PPP1R12A: variants seen among roughly 807,000 people sequenced by gnomAD.
PPP1R12A encodes protein phosphatase 1 regulatory subunit 12A, also known as myosin binding subunit.
In PPP1R12A, 19 loss-of-function variants were observed where a neutral mutation model predicts 139.6. The ratio of observed to expected loss-of-function variants is 0.14; its 90% confidence interval spans 0.09 to 0.20. The LOEUF (loss-of-function observed/expected upper bound fraction) is 0.20. Among genes scored for constraint, PPP1R12A ranks in the 10% least tolerant of loss-of-function variants. PPP1R12A has a pLI of 1.00. For missense variants in PPP1R12A, 925 were observed against 1,211.5 expected, an observed-to-expected ratio of 0.76 and a Z score of 3.51; for synonymous variants, 427 against 420.6, an observed-to-expected ratio of 1.02 and a Z score of -0.19.
At chr12:79,798,674 T>C in intron 14 of PPP1R12A, 90 bp from the exon 15 acceptor site, 1 of 590,632 alleles carries the variant, frequency 1.7e-6, no homozygotes, top group East Asian at 3.1e-5. Context: ...AACATACAGG[T>C]TTAATATCTT....
intron 9 of PPP1R12A, among the ~76,000 whole-genome samples, chr12:79,816,378 G>C (rs118140026): frequency 0.018 from 2,725 of 151,988 alleles, 43 homozygotes; most frequent in Non-Finnish European, 0.03. Flanking sequence ...GAAGTGTTAT[G>C]ATTACTGCAA....
At chr12:79,784,752 C>G (rs958602578) in intron 22 of PPP1R12A, among the ~76,000 whole-genome samples, 1 of 152,124 alleles carries the variant, frequency 6.6e-6, no homozygotes, top group African/African-American at 2.4e-5. Flanking sequence ...ATTCTCCTGC[C>G]TCAGCTCCCA....
chr12:79,810,123 TTCAGGATAAAAC>T lies in PPP1R12A; in HGVS notation c.1240-125_1240-114del, dbSNP rs1874343783. On this transcript the variant is annotated intron_variant, in intron 9 of 24. Coordinates refer to ENST00000450142, the MANE Select transcript of PPP1R12A (RefSeq NM_002480.3). ...TATATTTAAAATTATGGTTTACAGT[TTCAGGATAAAAC>T]ACTTTTACTACATAGGTTAATGTCT... 5 of 906,930 alleles carry T rather than the reference TTCAGGATAAAAC, an allele frequency of 5.5e-6. No individual in the cohort carries two copies. The South Asian group carries it at 7.6e-5, about 14-fold the overall frequency. The allele number at this position is 906,930 out of a possible 1,614,324, so 56.2% of individuals were successfully genotyped here. A position where few individuals can be genotyped will look rare whatever the true frequency, so the allele number is the denominator to read the frequency against.
chr12:79,890,913 A>C (rs1434226961), intron 1 of PPP1R12A, among the ~76,000 whole-genome samples: 3 of 145,300 alleles, frequency 2.1e-5, no homozygotes, highest in East Asian at 2.0e-4. Flanking sequence ...ACCCACACAC[A>C]CACACACACA....
At chr12:79,806,071 G>A in intron 13 of PPP1R12A, 95 bp downstream of exon 13, 4 of 1,410,580 alleles carry the variant, frequency 2.8e-6, no homozygotes, top group Non-Finnish European at 2.9e-6. Context: ...CAAGATAAAT[G>A]AAAAAATCCA....
At chr12:79,785,250 CT>C (rs1870965151) in intron 22 of PPP1R12A, among the ~76,000 whole-genome samples, 1 of 152,040 alleles carries the variant, frequency 6.6e-6, no homozygotes, top group South Asian at 2.1e-4. Context: ...TTCTGTTTAT[CT>C]TTACAAAAAC....
At chr12:79,877,469 T>TA (rs1434587765) in intron 1 of PPP1R12A, among the ~76,000 whole-genome samples, 1 of 152,150 alleles carries the variant, frequency 6.6e-6, no homozygotes, top group Admixed American at 6.5e-5. Context: ...GAGAGTGACT[T>TA]ACTGTGACTT....
At position 79,790,466 on chromosome 12, in the gene PPP1R12A, C is replaced by A; in HGVS notation, c.2666+1G>T. On this transcript the variant is annotated splice_donor_variant, in intron 20 of 24. Transcript: ENST00000450142. LOFTEE classifies it high-confidence loss of function. ...TCAGTTAAAAAATAAATAAAACATA[C>A]CTAGAAATGGAATCCGTCTGGAAAG... 4.4e-6 allele frequency: 6 copies of A among 1,354,362 alleles called. No individual in the cohort carries two copies. The highest frequency in any genetic ancestry group is 3.2e-5 in the South Asian group (2 of 63,162). The allele number at this position is 1,354,362 out of a possible 1,614,324, so 83.9% of individuals were successfully genotyped here. A position where few individuals can be genotyped will look rare whatever the true frequency, so the allele number is the denominator to read the frequency against.
rs1873746115 is a variant in PPP1R12A, at chr12:79,805,740, T to C, written c.1852A>G (p.Ser618Gly). The C allele has an allele frequency of 3.1e-6, 5 of 1,612,964 alleles. No individual in the cohort carries two copies. The highest frequency in any genetic ancestry group is 1.7e-5 in the Admixed American group (1 of 59,868). Residue 618 changes from serine (S) to glycine (G), a missense_variant, in exon 14 of 25, where the codon AGT (serine) becomes GGT (glycine). By Grantham distance (56) the Ser-to-Gly change is moderately conservative. Around this residue, in one of 4 missense-constraint regions of PPP1R12A, gnomAD observed 403 missense variants for 463.7 expected, o/e 0.87. Transcript: ENST00000450142. ...STSNRLWAED[S>G]TEKEKDSVPT... ...ACACTGTCCTTTTCTTTCTCAGTAC[T>C]ATCCTCAGCCCACAAACGATTTGAG...
intron 14 of PPP1R12A, 132 bp downstream of exon 14, chr12:79,805,460 G>C (rs1306791451): frequency 9.2e-5 from 69 of 746,972 alleles, no homozygotes; most frequent in Middle Eastern, 8.0e-4. Flanking sequence ...ATAGTTCTGA[G>C]CTGACAGGGT....
chr12:79,888,632 T>A (rs984621723), intron 1 of PPP1R12A, among the ~76,000 whole-genome samples: 1 of 147,496 alleles, frequency 6.8e-6, no homozygotes, highest in African/African-American at 2.7e-5. Flanking sequence ...TTTTACAGAA[T>A]CCATGTCCTA....
chr12:79,918,957 A>C (rs193074574), intron 1 of PPP1R12A, among the ~76,000 whole-genome samples: 105 of 152,034 alleles, frequency 6.9e-4, no homozygotes, highest in African/African-American at 2.3e-3. Flanking sequence ...CTCTACTAAA[A>C]ATACAAAAAT....
Position 79,934,737 on chromosome 12 carries a change from G to T in PPP1R12A, c.195C>A (p.Asp65Glu). The T allele has an allele frequency of 6.5e-7, 1 of 1,549,924 alleles. No homozygotes were observed. Reference protein sequence around the residue: ...EVLKLLHRGADINYANVDGLT... With the variant: ...EVLKLLHRGAEINYANVDGLT... ...GTCCGTCCACATTGGCGTAATTGAT[G>T]TCGGCGCCGCGGTGCAGCAGCTTGA... The change falls in exon 1 of 25, where the codon GAC (aspartate) becomes GAA (glutamate). Residue 65 changes from aspartate (D) to glutamate (E), a missense_variant. Coordinates refer to ENST00000450142, the MANE Select transcript of PPP1R12A (RefSeq NM_002480.3).
intron 1 of PPP1R12A, among the ~76,000 whole-genome samples, chr12:79,890,920 C>CACAA (rs1884570603): frequency 6.7e-6 from 1 of 148,654 alleles, no homozygotes; most frequent in Non-Finnish European, 1.5e-5. Context: ...CACACACACA[C>CACAA]ACACACACAC....
intron 2 of PPP1R12A, among the ~76,000 whole-genome samples, chr12:79,859,713 C>T (rs1188756327): frequency 2.0e-5 from 3 of 151,796 alleles, no homozygotes; most frequent in Non-Finnish European, 2.9e-5. Context: ...GAGACCACCC[C>T]GGAAAACACA....
intron 15 of PPP1R12A, among the ~76,000 whole-genome samples, chr12:79,797,764 AAG>A (rs1295130346): frequency 3.3e-5 from 5 of 152,144 alleles, no homozygotes; most frequent in Non-Finnish European, 1.5e-5. Flanking sequence ...TAAGGCTTAA[AAG>A]AGATTTCGAT....
intron 2 of PPP1R12A, among the ~76,000 whole-genome samples, chr12:79,851,798 G>T (rs897596688): frequency 6.6e-6 from 1 of 152,226 alleles, no homozygotes; most frequent in Admixed American, 6.5e-5. Flanking sequence ...CAGTCCCTGA[G>T]GCTCTGTTCA....
At chr12:79,921,540 T>C (rs566638659) in intron 1 of PPP1R12A, among the ~76,000 whole-genome samples, 1 of 152,206 alleles carries the variant, frequency 6.6e-6, no homozygotes, top group Non-Finnish European at 1.5e-5. Flanking sequence ...ATACTCTGGG[T>C]TAAGCCCGCC....
At chr12:79,785,876 T>C (rs1174989654) in intron 22 of PPP1R12A, among the ~76,000 whole-genome samples, 1 of 152,084 alleles carries the variant, frequency 6.6e-6, no homozygotes, top group East Asian at 1.9e-4. Flanking sequence ...AGGTTGTGAG[T>C]TTTGCTTGGC....
Sources: allele counts gnomAD v4.1 joint callset (sites outside exome capture counted in the v4.1 genomes callset), GRCh38; gene constraint gnomAD v4.1.1; regional missense constraint gnomAD v4.1.1; transcripts MANE v1.5; gene names NCBI Gene and HGNC (gene_info 2026-07-23, HGNC 2026-07-21).